Variants in STX6 observed in about 807,000 individuals in gnomAD.
STX6 encodes syntaxin 6, also known as syntaxin-6.
In STX6, 23 loss-of-function variants were observed where a neutral mutation model predicts 38.0. The observed-to-expected ratio is 0.60, with a 90% CI of 0.43 to 0.86. The LOEUF (loss-of-function observed/expected upper bound fraction) is 0.86. Ranked by LOEUF, STX6 falls within the 40% of genes least tolerant of loss-of-function variation. The pLI, the probability that STX6 is intolerant of heterozygous loss-of-function variation, is 0.00. For synonymous variants in STX6, 123 were observed against 107.5 expected (o/e 1.14, Z -0.89); for missense variants, 274 against 312.9 (o/e 0.88, Z 0.94).
chr1:180,993,336 G>A (rs370154713), intron 4 of STX6, 27 bp downstream of exon 4: 13 of 1,309,512 alleles, frequency 9.9e-6, no homozygotes, highest in East Asian at 2.3e-5. Context: ...TTCTGTCATT[G>A]ATAATTATAT....
chr1:181,006,915 T>C (rs1400713743), intron 1 of STX6, among the ~76,000 whole-genome samples: 2 of 152,228 alleles, frequency 1.3e-5, no homozygotes, highest in Admixed American at 1.3e-4. Context: ...TCTATTCATC[T>C]AGTTTAAGGC....
chr1:181,002,513 A>C, intron 3 of STX6, 93 bp downstream of exon 3: 1 of 851,066 alleles, frequency 1.2e-6, no homozygotes, highest in Admixed American at 2.4e-5. Flanking sequence ...AAGTGGTTTC[A>C]GAGGTGACCT....
At position 180,976,527 on chromosome 1, in the gene STX6, T is replaced by G; in HGVS notation, c.*43A>C. ...ACGTGCTCAGCTTCTCCTCCTCCCC[T>G]CGGTTCATATGCAGGAGGAACTCGC... On this transcript the variant is annotated 3_prime_UTR_variant, in exon 8 of 8. Transcript: ENST00000258301. 6.5e-7 allele frequency: 1 copy of G among 1,546,850 alleles called. No individual in the cohort carries two copies. The highest frequency in any genetic ancestry group is 8.9e-7 in the Non-Finnish European group (1 of 1,119,862).
intron 1 of STX6, among the ~76,000 whole-genome samples, chr1:181,021,700 G>A (rs145470831): frequency 6.6e-6 from 1 of 152,206 alleles, no homozygotes; most frequent in Admixed American, 6.5e-5. Context: ...CTTCTTGCAT[G>A]TGTTTAATGG....
chr1:180,986,392 A>G (rs1469644484), intron 6 of STX6, among the ~76,000 whole-genome samples: 11 of 152,226 alleles, frequency 7.2e-5, no homozygotes, highest in Non-Finnish European at 1.6e-4. Flanking sequence ...TTCTATATGA[A>G]GTCTTCAAAA....
chr1:180,978,096 C>T (rs1655304343), intron 7 of STX6, among the ~76,000 whole-genome samples: 1 of 152,140 alleles, frequency 6.6e-6, no homozygotes, highest in South Asian at 2.1e-4. Flanking sequence ...CTTCAATGGT[C>T]AAGAAAACTT....
Position 181,022,650 on chromosome 1 carries a change from A to T in STX6, c.24T>A (p.Phe8Leu). The T allele has an allele frequency of 6.2e-7, 1 of 1,610,626 alleles. No individual in the cohort carries two copies. The highest frequency in any genetic ancestry group is 8.5e-7 in the Non-Finnish European group (1 of 1,178,576). ...CGGCCGACACTCACCCTTTCACCACAAAGAAGGGGTCCTCCATGGACATGG... is the reference window on the plus strand; with the variant it reads ...CGGCCGACACTCACCCTTTCACCACTAAGAAGGGGTCCTCCATGGACATGG... MSMEDPF[F>L]VVKGEVQKAV... The change falls in exon 1 of 8, where the codon TTT (phenylalanine) becomes TTA (leucine). Residue 8 changes from phenylalanine to leucine, a missense_variant. Phe to Leu is a conservative substitution (Grantham distance 22). Transcript: ENST00000258301.
Position 180,975,110 on chromosome 1 carries a change from T to TA in STX6, c.*1459dup, listed in dbSNP as rs200382375. On this transcript the variant is annotated 3_prime_UTR_variant, in exon 8 of 8. Transcript: ENST00000258301. The stretch of plus-strand genomic sequence containing the variant: ...ACAAACAAAACAAAACAAAAAGGTT[T>TA]AAAAAAAAAGTGTGCTGAGGAATGC... 847 of 151,566 alleles carry TA rather than the reference T, an allele frequency of 5.6e-3. 6 individuals are homozygous for TA. Among genetic ancestry groups the TA allele is most frequent in the Admixed American group, 6.7e-3 (102 of 15,202 alleles). The allele number at this position is 151,566 out of a possible 1,614,324, so 9.4% of individuals were successfully genotyped here.
At chr1:181,008,098 C>T (rs371868231) in intron 1 of STX6, among the ~76,000 whole-genome samples, 2 of 152,172 alleles carry the variant, frequency 1.3e-5, no homozygotes, top group East Asian at 1.9e-4. Flanking sequence ...GATAGTATAC[C>T]AAAACTTGAC....
At chr1:180,980,572 T>TG (rs1655380578) in intron 7 of STX6, 1 of 141,146 alleles carries the variant, frequency 7.1e-6, no homozygotes, top group South Asian at 2.3e-4. Flanking sequence ...TTTTTTTTTT[T>TG]GAGACAGAGT....
At chr1:181,005,047 T>C (rs559860955) in intron 2 of STX6, among the ~76,000 whole-genome samples, 12 of 151,776 alleles carry the variant, frequency 7.9e-5, no homozygotes, top group African/African-American at 2.7e-4. Context: ...GTCATAATCA[T>C]TACACTATGC....
At chr1:181,002,872 G>T (rs896002182) in intron 2 of STX6, among the ~76,000 whole-genome samples, 172 bp from the exon 3 acceptor site, 1 of 152,170 alleles carries the variant, frequency 6.6e-6, no homozygotes, top group Admixed American at 6.5e-5. Flanking sequence ...GCCACAGGAG[G>T]GAGGATCCCT....
At chr1:180,980,783 G>C (rs1403704400) in intron 7 of STX6, 1 of 152,000 alleles carries the variant, frequency 6.6e-6, no homozygotes, top group Non-Finnish European at 1.5e-5. Flanking sequence ...AGCAACCAAG[G>C]CGTCCTTCAG....
rs571119555 is a variant in STX6, at chr1:181,005,747, C to T, written c.36-284G>A. Among the ~76,000 whole-genome samples the T allele has an allele frequency of 8.1e-4, 124 of 152,288 alleles. 1 individual carries two copies. Among genetic ancestry groups the T allele is most frequent in the Non-Finnish European group, 1.1e-3 (75 of 68,024 alleles). On this transcript the variant is annotated intron_variant, in intron 1 of 7. Coordinates refer to ENST00000258301, the MANE Select transcript of STX6 (RefSeq NM_005819.6). ...AATATTTTTCTCTGAACAGACTATA[C>T]GTAAAAGTATAATGAAGCAATCCTA...
chr1:180,985,611 T>C (rs1655553786), intron 6 of STX6, among the ~76,000 whole-genome samples: 1 of 152,164 alleles, frequency 6.6e-6, no homozygotes, highest in African/African-American at 2.4e-5. Flanking sequence ...TATTTCCCAC[T>C]AGGAAAACTG....
chr1:180,981,753 C>T (rs190116904), intron 7 of STX6, among the ~76,000 whole-genome samples: 1 of 152,258 alleles, frequency 6.6e-6, no homozygotes, highest in East Asian at 1.9e-4. Flanking sequence ...ACTAGGTAAC[C>T]CCAGGGAGCT....
Position 180,984,772 on chromosome 1 carries a change from C to T in STX6, c.597-1G>A. The T allele has an allele frequency of 6.7e-7, 1 of 1,502,886 alleles. No individual in the cohort carries two copies. The highest frequency in any genetic ancestry group is 9.3e-7 in the Non-Finnish European group (1 of 1,079,366). 93.1% of individuals were successfully genotyped at this position (1,502,886 alleles called of 1,614,324 possible). A position where few individuals can be genotyped will look rare whatever the true frequency, so the allele number is the denominator to read the frequency against. On this transcript the variant is annotated splice_acceptor_variant, in intron 6 of 7. Coordinates refer to ENST00000258301, the MANE Select transcript of STX6 (RefSeq NM_005819.6). LOFTEE classifies it high-confidence loss of function. The stretch of plus-strand genomic sequence containing the variant: ...TTCGTGAGAGAAATCTTCCAACATA[C>T]TAGAGAGAAGCAGACACAGAAGGTC...
chr1:181,022,171 A>T (rs6700216), intron 1 of STX6, among the ~76,000 whole-genome samples: 1 of 149,914 alleles, frequency 6.7e-6, no homozygotes, highest in African/African-American at 2.5e-5. Flanking sequence ...GTCTGCGGAC[A>T]AGCGCTCCAA....
At chr1:180,977,185 T>G (rs964909590) in intron 7 of STX6, among the ~76,000 whole-genome samples, 7 of 152,228 alleles carry the variant, frequency 4.6e-5, no homozygotes, top group Non-Finnish European at 1.5e-5. Flanking sequence ...CAAGTAAGAT[T>G]ACTTAACTAG....
Sources: gnomAD v4.1 joint callset for allele counts (sites outside exome capture counted in the v4.1 genomes callset) on GRCh38, gnomAD v4.1.1 for gene constraint, MANE v1.5 for transcripts, NCBI Gene and HGNC (gene_info 2026-07-23, HGNC 2026-07-21) for gene names.